The following PDE10A variants were observed in gnomAD, a reference collection of about 807,000 sequenced individuals.
The protein encoded by PDE10A is phosphodiesterase 10A, also known as cAMP and cAMP-inhibited cGMP 3',5'-cyclic phosphodiesterase 10A.
Under a neutral mutation model 97.7 loss-of-function variants are expected in PDE10A, and 39 were observed. The observed-to-expected ratio is 0.40, with a 90% CI of 0.31 to 0.52. The LOEUF (loss-of-function observed/expected upper bound fraction) is 0.52. PDE10A is among the 20% of genes least tolerant of loss of function. The probability of loss-of-function intolerance (pLI) is 0.56; values close to 1 mark genes in which losing one functional copy is unlikely to be tolerated. For missense variants in PDE10A, 731 were observed against 1,047.8 expected (o/e 0.70, Z 4.17); for synonymous variants, 371 against 376.8 (o/e 0.98, Z 0.18).
At chr6:165,696,540 A>C (rs1359255986) in intron 1 of PDE10A, among the ~76,000 whole-genome samples, 3 of 151,948 alleles carry the variant, frequency 2.0e-5, no homozygotes, top group African/African-American at 7.3e-5. Context: ...TTAGGGATCC[A>C]CTGGGGGGGT....
intron 1 of PDE10A, among the ~76,000 whole-genome samples, chr6:165,739,184 C>A (rs560552183): frequency 1.3e-5 from 2 of 152,252 alleles, no homozygotes; most frequent in South Asian, 4.1e-4. Context: ...GTCAAAGCAA[C>A]CTTGATCAAG....
chr6:165,760,240 A>G (rs552368117), intron 1 of PDE10A, among the ~76,000 whole-genome samples: 1 of 152,298 alleles, frequency 6.6e-6, no homozygotes, highest in African/African-American at 2.4e-5. Flanking sequence ...TGAAGTTGAG[A>G]TTTAATGGAT....
At chr6:165,559,540 G>C (rs75900568) in intron 1 of PDE10A, among the ~76,000 whole-genome samples, 160 of 152,166 alleles carry the variant, frequency 1.1e-3, no homozygotes, top group Non-Finnish European at 1.6e-3. Flanking sequence ...TTTTCAACAA[G>C]ATTATACAGT....
At chr6:165,665,777 T>A (rs1349554022), upstream of PDE10A, among the ~76,000 whole-genome samples, 2 of 152,036 alleles carry the variant, frequency 1.3e-5, no homozygotes, top group Non-Finnish European at 2.9e-5. Context: ...TAAAAGAATA[T>A]AAAACACTTG....
intron 8 of PDE10A, among the ~76,000 whole-genome samples, chr6:165,430,763 G>C (rs10455957): frequency 0.32 from 48,098 of 151,766 alleles, 8,085 homozygotes; most frequent in South Asian, 0.49. Flanking sequence ...CTGATAATTC[G>C]AGTCCTTTCT....
intron 1 of PDE10A, among the ~76,000 whole-genome samples, chr6:165,766,480 G>T (rs1454288340): frequency 6.6e-6 from 1 of 152,210 alleles, no homozygotes; most frequent in East Asian, 1.9e-4. Flanking sequence ...TCCATACAAA[G>T]TTTAGACAAT....
At chr6:165,783,884 T>C (rs73261244) in intron 1 of PDE10A, among the ~76,000 whole-genome samples, 20,616 of 151,984 alleles carry the variant, frequency 0.14, 2,495 homozygotes, top group African/African-American at 0.32. Flanking sequence ...GAGAAATAAA[T>C]GGACTGGTGT....
chr6:165,479,618 T>C (rs894378120), intron 3 of PDE10A, among the ~76,000 whole-genome samples: 2 of 152,238 alleles, frequency 1.3e-5, no homozygotes, highest in African/African-American at 4.8e-5. Context: ...CACTGCCTGA[T>C]AGATGTACAC....
intron 1 of PDE10A, among the ~76,000 whole-genome samples, chr6:165,582,277 G>T (rs1448552926): frequency 6.6e-6 from 1 of 152,082 alleles, no homozygotes; most frequent in Non-Finnish European, 1.5e-5. Flanking sequence ...TAGTCACTAT[G>T]GAGCTTAATG....
intron 1 of PDE10A, among the ~76,000 whole-genome samples, chr6:165,772,080 C>T (rs890105557): frequency 4.6e-5 from 7 of 152,180 alleles, no homozygotes; most frequent in Non-Finnish European, 8.8e-5. Flanking sequence ...TTAAAAAATT[C>T]GTATTTCCGT....
chr6:165,574,418 G>A (rs1785202680), intron 1 of PDE10A, among the ~76,000 whole-genome samples: 1 of 152,190 alleles, frequency 6.6e-6, no homozygotes, highest in Admixed American at 6.5e-5. Flanking sequence ...CACCCACTCA[G>A]GTGAGTGGAG....
chr6:165,824,044 A>T (rs997307583), intron 1 of PDE10A, among the ~76,000 whole-genome samples: 1 of 152,212 alleles, frequency 6.6e-6, no homozygotes, highest in African/African-American at 2.4e-5. Flanking sequence ...GAAATCTGTG[A>T]TTCTGCTGCT....
At chr6:165,461,020 C>A (rs559588417) in intron 3 of PDE10A, among the ~76,000 whole-genome samples, 2 of 152,114 alleles carry the variant, frequency 1.3e-5, no homozygotes, top group South Asian at 4.2e-4. Flanking sequence ...AGAACAATGG[C>A]CACTAAGTAA....
chr6:165,447,587 A>G (rs963651020), intron 5 of PDE10A, among the ~76,000 whole-genome samples: 1 of 152,232 alleles, frequency 6.6e-6, no homozygotes, highest in African/African-American at 2.4e-5. Context: ...TATTTTTCTA[A>G]AAGAAATTAC....
At chr6:165,916,439 T>C (rs1782605025) in intron 1 of PDE10A, among the ~76,000 whole-genome samples, 1 of 152,238 alleles carries the variant, frequency 6.6e-6, no homozygotes, top group East Asian at 1.9e-4. Context: ...AGTTTTCTTC[T>C]GCCATATTTC....
At chr6:165,619,361 AGTGTAGTGTG>A (rs1228310293) in intron 1 of PDE10A, among the ~76,000 whole-genome samples, 1,748 of 122,704 alleles carry the variant, frequency 0.014, 24 homozygotes, top group Middle Eastern at 0.018. Flanking sequence ...AGTGTAGTCT[AGTGTAGTGTG>A]GTGTAGTGTA....
intron 15 of PDE10A, 59 bp from the exon 16 acceptor site, chr6:165,392,855 G>C (rs1235710084): frequency 4.7e-6 from 7 of 1,483,770 alleles, no homozygotes; most frequent in Non-Finnish European, 6.6e-6. Flanking sequence ...TGTTGTAGGA[G>C]AACTCCCTAG....
intron 2 of PDE10A, among the ~76,000 whole-genome samples, chr6:165,515,811 C>T (rs567425353): frequency 2.6e-5 from 4 of 152,160 alleles, no homozygotes; most frequent in East Asian, 3.9e-4. Context: ...AGTGAGCCAA[C>T]GCGCCCGGCC....
chr6:165,497,796 T>C (rs1413849631), intron 2 of PDE10A, among the ~76,000 whole-genome samples: 1 of 152,194 alleles, frequency 6.6e-6, no homozygotes. Flanking sequence ...TTTATCTGAA[T>C]TTATCTACTG....
Sources: gnomAD v4.1 joint callset for allele counts (sites outside exome capture counted in the v4.1 genomes callset) on GRCh38, gnomAD v4.1.1 for gene constraint, MANE v1.5 for transcripts, NCBI Gene and HGNC (gene_info 2026-07-23, HGNC 2026-07-21) for gene names.